Variants in MACROD2 observed in about 807,000 individuals in gnomAD.
The protein encoded by MACROD2 is mono-ADP ribosylhydrolase 2.
Under a neutral mutation model 70.4 loss-of-function variants are expected in MACROD2, and 36 were observed. The observed-to-expected ratio is 0.51, with a 90% CI of 0.39 to 0.68. MACROD2 has a LOEUF of 0.68. Among genes scored for constraint, MACROD2 ranks in the 30% least tolerant of loss-of-function variants. The pLI is 0.00. For synonymous variants in MACROD2, 172 were observed against 178.8 expected (o/e 0.96, Z 0.30); for missense variants, 496 against 538.4 (o/e 0.92, Z 0.78).
chr20:15,541,330 A>T (rs2047952880), intron 8 of MACROD2, among the ~76,000 whole-genome samples: 1 of 152,202 alleles, frequency 6.6e-6, no homozygotes, highest in Non-Finnish European at 1.5e-5. Flanking sequence ...TTTAAATTAT[A>T]TTAGCAGAGG....
intron 3 of MACROD2, among the ~76,000 whole-genome samples, chr20:14,180,190 G>T (rs2081294742): frequency 1.3e-5 from 2 of 152,012 alleles, no homozygotes; most frequent in African/African-American, 2.4e-5. Context: ...TACACAGTAG[G>T]TAAGTAGCAG....
chr20:14,515,376 G>T (rs1221143508), intron 4 of MACROD2, among the ~76,000 whole-genome samples: 2 of 151,174 alleles, frequency 1.3e-5, no homozygotes, highest in African/African-American at 4.9e-5. Flanking sequence ...CATGTTTATT[G>T]TACCATTATT....
chr20:15,070,428 G>T (rs796685772), intron 5 of MACROD2, among the ~76,000 whole-genome samples: 14 of 152,154 alleles, frequency 9.2e-5, no homozygotes, highest in African/African-American at 3.4e-4. Context: ...AAATTTGGGG[G>T]ATCAGGGGTA....
intron 4 of MACROD2, among the ~76,000 whole-genome samples, chr20:14,662,340 A>C (rs1986265903): frequency 6.6e-6 from 1 of 152,150 alleles, no homozygotes; most frequent in Admixed American, 6.6e-5. Flanking sequence ...AATTAACTCA[A>C]AATGGATTAG....
intron 2 of MACROD2, among the ~76,000 whole-genome samples, chr20:14,005,023 C>T (rs2052794108): frequency 1.3e-5 from 2 of 151,774 alleles, no homozygotes; most frequent in Admixed American, 6.6e-5. Context: ...TTTACTTTAA[C>T]CAAATGCTTC....
chr20:15,619,206 T>C (rs2049089452), intron 8 of MACROD2, among the ~76,000 whole-genome samples: 1 of 152,194 alleles, frequency 6.6e-6, no homozygotes, highest in African/African-American at 2.4e-5. Flanking sequence ...AATCTGTTAG[T>C]CCTACAAAGG....
intron 6 of MACROD2, among the ~76,000 whole-genome samples, chr20:15,314,663 A>G (rs2077790053): frequency 6.6e-6 from 1 of 152,188 alleles, no homozygotes; most frequent in African/African-American, 2.4e-5. Flanking sequence ...ACTTGAACTC[A>G]TTCAGGGTGA....
At chr20:15,958,427 T>C (rs897655483) in intron 12 of MACROD2, among the ~76,000 whole-genome samples, 1 of 152,134 alleles carries the variant, frequency 6.6e-6, no homozygotes, top group Admixed American at 6.6e-5. Context: ...CATGACTACT[T>C]TATCCGTGCT....
At chr20:15,405,238 A>AC (rs1033539081) in intron 6 of MACROD2, among the ~76,000 whole-genome samples, 1 of 142,072 alleles carries the variant, frequency 7.0e-6, no homozygotes, top group African/African-American at 2.6e-5. Context: ...TTGTGAATAT[A>AC]CAAAAAAAAA....
intron 1 of MACROD2, among the ~76,000 whole-genome samples, chr20:13,999,324 A>C (rs1439750376): frequency 6.6e-6 from 1 of 152,150 alleles, no homozygotes; most frequent in African/African-American, 2.4e-5. Flanking sequence ...TCTTTTGCTC[A>C]GTCCTTCATT....
At chr20:14,948,584 A>AT (rs1390932623) in intron 5 of MACROD2, among the ~76,000 whole-genome samples, 1 of 152,156 alleles carries the variant, frequency 6.6e-6, no homozygotes, top group African/African-American at 2.4e-5. Context: ...ACACAGACCC[A>AT]TCTGTCTTCT....
chr20:14,034,278 C>T (rs1276680335), intron 2 of MACROD2, among the ~76,000 whole-genome samples: 1 of 152,074 alleles, frequency 6.6e-6, no homozygotes, highest in African/African-American at 2.4e-5. Flanking sequence ...CCAGCCCCTA[C>T]TTCACCTATT....
chr20:14,559,409 T>C (rs899597982), intron 4 of MACROD2, among the ~76,000 whole-genome samples: 3 of 151,764 alleles, frequency 2.0e-5, no homozygotes, highest in Non-Finnish European at 4.4e-5. Flanking sequence ...TCATATCTGC[T>C]AGAACAAGTA....
intron 3 of MACROD2, among the ~76,000 whole-genome samples, chr20:14,436,575 C>T (rs768090512): frequency 2.7e-4 from 41 of 152,298 alleles, no homozygotes; most frequent in South Asian, 1.0e-3. Flanking sequence ...ACAATGAGCT[C>T]TCTAATAGGA....
intron 6 of MACROD2, among the ~76,000 whole-genome samples, chr20:15,315,571 A>G (rs139451461): frequency 1.3e-5 from 2 of 152,300 alleles, no homozygotes; most frequent in Non-Finnish European, 2.9e-5. Flanking sequence ...AGAAACAACA[A>G]CAATCAACCA....
intron 4 of MACROD2, among the ~76,000 whole-genome samples, chr20:14,509,139 C>T (rs2085001227): frequency 6.6e-6 from 1 of 152,016 alleles, no homozygotes; most frequent in Admixed American, 6.6e-5. Flanking sequence ...TCAAAAGAAC[C>T]ATAAGCTATT....
intron 8 of MACROD2, among the ~76,000 whole-genome samples, chr20:15,693,335 C>T (rs1346216039): frequency 6.6e-6 from 1 of 152,204 alleles, no homozygotes; most frequent in Non-Finnish European, 1.5e-5. Context: ...CTCTGCGCTT[C>T]ACACCAAGAG....
At chr20:15,633,079 C>G (rs1020520761) in intron 8 of MACROD2, among the ~76,000 whole-genome samples, 7 of 152,164 alleles carry the variant, frequency 4.6e-5, no homozygotes, top group Non-Finnish European at 1.0e-4. Flanking sequence ...ACTAGAGTGA[C>G]TTAACCACCC....
At chr20:15,910,254 GTGA>G (rs1417714678) in intron 10 of MACROD2, among the ~76,000 whole-genome samples, 1 of 152,170 alleles carries the variant, frequency 6.6e-6, no homozygotes, top group African/African-American at 2.4e-5. Context: ...TAAATCAAGT[GTGA>G]GCTTCAAGTC....
Sources: allele counts gnomAD v4.1 joint callset (sites outside exome capture counted in the v4.1 genomes callset), GRCh38; gene constraint gnomAD v4.1.1; transcripts MANE v1.5; gene names NCBI Gene and HGNC (gene_info 2026-07-23, HGNC 2026-07-21).